The following TNRC6C variants were observed in gnomAD, a reference collection of about 807,000 sequenced individuals.
TNRC6C encodes the protein trinucleotide repeat containing adaptor 6C.
A neutral mutation model predicts 153.7 loss-of-function variants in TNRC6C; 20 were observed. The ratio of observed to expected loss-of-function variants is 0.13; its 90% CI spans 0.09 to 0.19. The LOEUF is 0.19. Among genes scored for constraint, TNRC6C ranks in the 10% least tolerant of loss-of-function variants. The pLI is 1.00. For synonymous variants in TNRC6C, 811 were observed against 841.4 expected (o/e 0.96, Z 0.63); for missense variants, 1,987 against 2,172.0 (o/e 0.91, Z 1.69).
At chr17:78,033,921 G>A (rs1427241163) in intron 2 of TNRC6C, among the ~76,000 whole-genome samples, 4 of 152,088 alleles carry the variant, frequency 2.6e-5, no homozygotes, top group East Asian at 1.9e-4. Flanking sequence ...CTTCACTGAC[G>A]AGGGGTCCCC....
At chr17:78,076,080 G>T (rs996266314) in intron 8 of TNRC6C, among the ~76,000 whole-genome samples, 2 of 151,990 alleles carry the variant, frequency 1.3e-5, no homozygotes, top group African/African-American at 4.8e-5. Context: ...AGCGAGCATG[G>T]TGGCACACGC....
intron 2 of TNRC6C, among the ~76,000 whole-genome samples, chr17:78,034,383 T>A (rs2072137911): frequency 6.6e-6 from 1 of 152,038 alleles, no homozygotes; most frequent in Non-Finnish European, 1.5e-5. Context: ...CTATTATGAT[T>A]GGGATTGCTT....
exon 9 of TNRC6C, chr17:78,077,286 T>C: frequency 6.3e-7 from 1 of 1,589,492 alleles, no homozygotes; most frequent in South Asian, 1.2e-5. Flanking sequence ...AGGCCCTGGG[T>C]GGGATTGCCT....
chr17:78,102,372 C>T (rs751811781), intron 17 of TNRC6C, 102 bp from the exon 21 acceptor site: 37 of 1,071,172 alleles, frequency 3.5e-5, no homozygotes, highest in South Asian at 6.3e-5. Flanking sequence ...CACGCAGTGA[C>T]GGCCTGTGCT....
intron 17 of TNRC6C, among the ~76,000 whole-genome samples, chr17:78,100,770 CTTTTTTT>C (rs56816459): frequency 1.9e-5 from 2 of 104,034 alleles, no homozygotes; most frequent in Admixed American, 1.1e-4. Flanking sequence ...ATGGGATTTC[CTTTTTTT>C]TTTTTTTTTT....
chr17:77,961,321 A>T (rs2070860673), intron 1 of TNRC6C, among the ~76,000 whole-genome samples: 1 of 151,958 alleles, frequency 6.6e-6, no homozygotes, highest in Non-Finnish European at 1.5e-5. Flanking sequence ...ACGCCCGGCT[A>T]ATTTTTGTAT....
At position 78,086,838 on chromosome 17, in the gene TNRC6C, GTC is replaced by G. The variant is rs776102025; in HGVS notation, c.3562-11_3562-10del. 5 of 1,609,994 alleles carry G rather than the reference GTC, an allele frequency of 3.1e-6. No individual in the cohort carries two copies. Among genetic ancestry groups the G allele is most frequent in the Non-Finnish European group, 4.2e-6 (5 of 1,178,852 alleles). On this transcript the variant is annotated splice_polypyrimidine_tract_variant and intron_variant, in intron 12 of 19. Transcript: ENST00000301624. ...CTTCCCACCTAGTTAACGCACCTAT[GTC>G]TCTGCCTGCCAGGTTGCGCGCACAA...
intron 1 of TNRC6C, among the ~76,000 whole-genome samples, chr17:77,986,071 T>A (rs1382799186): frequency 6.6e-6 from 1 of 152,082 alleles, no homozygotes; most frequent in Non-Finnish European, 1.5e-5. Flanking sequence ...AAATCAATTT[T>A]AAAAAAATTA....
At chr17:77,970,501 T>C (rs1031621517) in intron 1 of TNRC6C, among the ~76,000 whole-genome samples, 2 of 152,218 alleles carry the variant, frequency 1.3e-5, no homozygotes, top group South Asian at 2.1e-4. Context: ...TGCTTTACTT[T>C]GATATCACAA....
chr17:78,036,577 AAATGTAT>A (rs1366723260), intron 2 of TNRC6C, among the ~76,000 whole-genome samples: 1 of 152,158 alleles, frequency 6.6e-6, no homozygotes, highest in African/African-American at 2.4e-5. Flanking sequence ...AGAATAGATA[AAATGTAT>A]ATTTATATAC....
Position 78,075,377 on chromosome 17 carries a change from A to C in TNRC6C, c.3060+99A>C, listed in dbSNP as rs915242518. The C allele has an allele frequency of 1.5e-6, 2 of 1,369,946 alleles. No individual in the cohort carries two copies. The highest frequency in any genetic ancestry group is 2.9e-5 in the South Asian group (2 of 68,408). The allele number at this position is 1,369,946 out of a possible 1,614,324, so 84.9% of individuals were successfully genotyped here. On this transcript the variant is annotated intron_variant, in intron 8 of 19. Coordinates refer to ENST00000301624, the Ensembl canonical transcript of TNRC6C. The surrounding 1 kb of genome is among the most constrained non-coding windows in gnomAD (Gnocchi z 4.2). ...ACAAGCCAGATTAAAAACTTGCTGG[A>C]CTATAATACTTAAGTGACTTTTATC...
chr17:78,010,771 A>G (rs2071612715), intron 1 of TNRC6C, among the ~76,000 whole-genome samples: 1 of 152,178 alleles, frequency 6.6e-6, no homozygotes, highest in Admixed American at 6.5e-5. Flanking sequence ...TTCCAGGGGG[A>G]AATATAATAA....
intron 16 of TNRC6C, among the ~76,000 whole-genome samples, chr17:78,095,224 C>T (rs1010452293): frequency 3.3e-5 from 5 of 152,228 alleles, no homozygotes; most frequent in Non-Finnish European, 4.4e-5. Flanking sequence ...CTGGGAGTGG[C>T]CTCAGCCATC....
At chr17:78,080,258 C>T (rs2073156003) in intron 10 of TNRC6C, among the ~76,000 whole-genome samples, 1 of 152,136 alleles carries the variant, frequency 6.6e-6, no homozygotes, top group Non-Finnish European at 1.5e-5. Flanking sequence ...ACCAGCCTGG[C>T]CAATATGGCG....
intron 11 of TNRC6C, among the ~76,000 whole-genome samples, chr17:78,086,020 C>G (rs896795364): frequency 1.3e-5 from 2 of 151,958 alleles, no homozygotes; most frequent in African/African-American, 4.8e-5. Context: ...TTTAAAAGTG[C>G]TCTGTGCCTC....
Position 77,992,230 on chromosome 17 carries a change from T to C in TNRC6C, c.-37-11940T>C, listed in dbSNP as rs1254530381. ...ATTAAGCAAAACCGGCCGGGCGCGG[T>C]GGCTCACGCCTGTAATCCCAGCACT... On this transcript the variant is annotated intron_variant, in intron 1 of 22. Transcript: ENST00000636222. 5.9e-5 allele frequency among the ~76,000 whole-genome samples: 3 copies of C among 50,458 alleles called. 1 individual carries two copies. Among genetic ancestry groups the C allele is most frequent in the Non-Finnish European group, 1.0e-4 (3 of 29,760 alleles). 33.1% of individuals were successfully genotyped at this position (50,458 alleles called of 152,430 possible). A position where few individuals can be genotyped will look rare whatever the true frequency, so the allele number is the denominator to read the frequency against.
At chr17:78,092,535 A>C (rs2073411671) in intron 14 of TNRC6C, among the ~76,000 whole-genome samples, 1 of 152,180 alleles carries the variant, frequency 6.6e-6, no homozygotes, top group East Asian at 1.9e-4. Flanking sequence ...GGACAAACTG[A>C]AATTGTTCTT....
intron 1 of TNRC6C, among the ~76,000 whole-genome samples, chr17:78,016,871 C>T (rs983661099): frequency 1.1e-4 from 17 of 152,200 alleles, no homozygotes; most frequent in African/African-American, 3.9e-4. Context: ...GGATTCTTAG[C>T]TCCCTTTTAT....
chr17:78,051,497 A>AAG, intron 3 of TNRC6C, 49 bp downstream of exon 5: 2 of 1,331,390 alleles, frequency 1.5e-6, no homozygotes, highest in Non-Finnish European at 9.8e-7. Flanking sequence ...AAAAAAAAAA[A>AAG]AGCTTATTCT....
Sources: allele counts gnomAD v4.1 joint callset (sites outside exome capture counted in the v4.1 genomes callset), GRCh38; gene constraint gnomAD v4.1.1; non-coding constraint Gnocchi (gnomAD v3.1); transcripts MANE v1.5; gene names NCBI Gene and HGNC (gene_info 2026-07-23, HGNC 2026-07-21).